The following PUDP variants were observed in gnomAD, a reference collection of about 807,000 sequenced individuals.
PUDP encodes the protein pseudouridine-5'-phosphatase.
A neutral mutation model predicts 9.4 loss-of-function variants in PUDP; 8 were observed. The ratio of observed to expected loss-of-function variants is 0.85; its 90% CI spans 0.50 to 1.53. The LOEUF (loss-of-function observed/expected upper bound fraction) is 1.53, where lower values mean the gene tolerates loss of function less well. Ranked by LOEUF, PUDP falls within the 40% of genes most tolerant of loss-of-function variation. The pLI, the probability that PUDP is intolerant of heterozygous loss-of-function variation, is 0.00. For synonymous variants in PUDP, 99 were observed against 80.7 expected, an observed-to-expected ratio of 1.23 and a Z score of -1.22; for missense variants, 188 against 189.7, an observed-to-expected ratio of 0.99 and a Z score of 0.05.
At chrX:6,788,548 CA>C in intron 3 of PUDP, among the ~76,000 whole-genome samples, 1 of 110,538 alleles carries the variant, frequency 9.0e-6, no homozygotes, top group East Asian at 2.9e-4. Flanking sequence ...ACAAAAAATA[CA>C]AAAAAAGTAG....
chrX:7,134,544 A>G (rs992049628), intron 1 of PUDP, among the ~76,000 whole-genome samples: 9 of 112,256 alleles, frequency 8.0e-5, no homozygotes, highest in African/African-American at 2.9e-4. Context: ...TTGTCACGTA[A>G]GCACACCGTA....
chrX:7,111,324 C>G (rs1932042863), intron 1 of PUDP, among the ~76,000 whole-genome samples: 1 of 111,471 alleles, frequency 9.0e-6, no homozygotes, highest in South Asian at 3.8e-4. Flanking sequence ...TGCTCCTACC[C>G]TCATGTTCAT....
chrX:7,094,342 T>C (rs1229370389), intron 2 of PUDP, among the ~76,000 whole-genome samples: 1 of 102,089 alleles, frequency 9.8e-6, no homozygotes, highest in Non-Finnish European at 2.0e-5. Context: ...TATACATCAT[T>C]GAATAAGCTG....
At chrX:6,869,513 G>A (rs755385631) in intron 3 of PUDP, among the ~76,000 whole-genome samples, 1 of 111,717 alleles carries the variant, frequency 9.0e-6, no homozygotes, top group Non-Finnish European at 1.9e-5. Context: ...TTACAGCATG[G>A]CAGCTTCTGG....
intron 3 of PUDP, among the ~76,000 whole-genome samples, chrX:6,770,131 C>T (rs764250388): frequency 8.9e-6 from 1 of 112,924 alleles, no homozygotes; most frequent in Non-Finnish European, 1.9e-5. Context: ...AGCTCAAGCA[C>T]ATTCTGTGTT....
intron 3 of PUDP, among the ~76,000 whole-genome samples, chrX:6,938,819 G>T (rs1180899494): frequency 1.0e-5 from 1 of 99,299 alleles, no homozygotes; most frequent in African/African-American, 3.8e-5. Context: ...TACTAGCCTG[G>T]CAGAAGCTAA....
chrX:7,145,848 T>A (rs182294333), intron 1 of PUDP, among the ~76,000 whole-genome samples: 1 of 111,997 alleles, frequency 8.9e-6, no homozygotes, highest in East Asian at 2.8e-4. Context: ...GAAAAATGCA[T>A]TCAAAATTCC....
intron 1 of PUDP, among the ~76,000 whole-genome samples, chrX:7,127,732 G>A (rs1040870375): frequency 8.9e-6 from 1 of 112,116 alleles, no homozygotes; most frequent in African/African-American, 3.2e-5. Flanking sequence ...GAACAATAAT[G>A]CTAATAAATA....
chrX:7,138,629 T>G (rs1932770893), intron 1 of PUDP, among the ~76,000 whole-genome samples: 1 of 111,550 alleles, frequency 9.0e-6, no homozygotes, highest in Admixed American at 9.5e-5. Flanking sequence ...TGCCTCGGCC[T>G]CCCAAAGTGC....
At chrX:7,072,663 A>C (rs1289773346) in intron 3 of PUDP, among the ~76,000 whole-genome samples, 1 of 109,396 alleles carries the variant, frequency 9.1e-6, no homozygotes, top group Admixed American at 9.7e-5. Flanking sequence ...AAAATAAAAA[A>C]ATTAGCCGGG....
chrX:6,770,031 CA>C (rs1304337361), intron 3 of PUDP, among the ~76,000 whole-genome samples: 12 of 112,444 alleles, frequency 1.1e-4, no homozygotes, highest in African/African-American at 2.9e-4. Context: ...CCCCTTCCCA[CA>C]ATGGAGTTCC....
chrX:6,763,121 C>T (rs1840440978), intron 3 of PUDP, among the ~76,000 whole-genome samples: 1 of 112,147 alleles, frequency 8.9e-6, no homozygotes, highest in Admixed American at 9.5e-5. Flanking sequence ...AGGCACGATG[C>T]CTCCTGCCTG....
In PUDP at chrX:6,846,527, C is replaced by T. The variant is rs1926752236; in HGVS notation, c.*247+130606G>A. ...AGACTCCCTCTCCTACCTGCTCTCA[C>T]TTGGCCTCCCTGGGATCTCTACTGC... On this transcript the variant is annotated intron_variant and NMD_transcript_variant, in intron 3 of 3. Transcript: ENST00000655425. 1.8e-5 allele frequency among the ~76,000 whole-genome samples: 2 copies of T among 110,611 alleles called. 1 individual carries two copies. The highest frequency in any genetic ancestry group is 6.6e-5 in the African/African-American group (2 of 30,432).
intron 3 of PUDP, among the ~76,000 whole-genome samples, chrX:6,756,750 T>G (rs753632473): frequency 8.9e-6 from 1 of 112,558 alleles, no homozygotes; most frequent in African/African-American, 3.2e-5. Flanking sequence ...TTTATTTGGT[T>G]GTTTTTATTT....
chrX:7,005,079 C>T (rs1929382592), intron 1 of PUDP, among the ~76,000 whole-genome samples: 1 of 111,520 alleles, frequency 9.0e-6, no homozygotes, highest in Non-Finnish European at 1.9e-5. Flanking sequence ...AGGGAACTCA[C>T]AGTCTTGTGG....
At chrX:6,942,961 A>G (rs1011708740) in intron 3 of PUDP, among the ~76,000 whole-genome samples, 28 of 112,315 alleles carry the variant, frequency 2.5e-4, no homozygotes, top group African/African-American at 8.7e-4. Context: ...GGCCTTCTAA[A>G]CTGTGAGAGA....
At chrX:6,993,454 C>T (rs963990793) in intron 1 of PUDP, among the ~76,000 whole-genome samples, 2 of 111,801 alleles carry the variant, frequency 1.8e-5, no homozygotes, top group African/African-American at 6.5e-5. Flanking sequence ...TGAGGTATCT[C>T]TGGGGTTTGT....
At chrX:6,783,437 G>A (rs1925597708) in intron 3 of PUDP, among the ~76,000 whole-genome samples, 1 of 110,893 alleles carries the variant, frequency 9.0e-6, no homozygotes. Context: ...CTGTGGACTC[G>A]CCCCGAATTC....
chrX:6,938,602 G>T (rs946958367), intron 3 of PUDP, among the ~76,000 whole-genome samples: 3 of 90,574 alleles, frequency 3.3e-5, no homozygotes, highest in Non-Finnish European at 6.4e-5. Flanking sequence ...CCTGCACAAT[G>T]TGCACATGTA....
Sources: gnomAD v4.1 joint callset for allele counts (sites outside exome capture counted in the v4.1 genomes callset) on GRCh38, gnomAD v4.1.1 for gene constraint, MANE v1.5 for transcripts, NCBI Gene and HGNC (gene_info 2026-07-23, HGNC 2026-07-21) for gene names.